LRRC1: variants seen among roughly 807,000 people sequenced by gnomAD.
The protein encoded by LRRC1 is leucine-rich repeat-containing protein 1.
A neutral mutation model predicts 69.9 loss-of-function variants in LRRC1; 28 were observed. That is an observed-to-expected ratio of 0.40 (90% CI 0.30 to 0.55). The LOEUF is 0.55. LRRC1 is among the 20% of genes least tolerant of loss of function. The pLI, the probability that LRRC1 is intolerant of heterozygous loss-of-function variation, is 0.47. For synonymous variants in LRRC1, 236 were observed against 240.2 expected, an observed-to-expected ratio of 0.98 and a Z score of 0.16; for missense variants, 498 against 609.0, an observed-to-expected ratio of 0.82 and a Z score of 1.92.
chr6:53,810,844 C>G (rs1171037183), intron 1 of LRRC1, among the ~76,000 whole-genome samples: 2 of 152,188 alleles, frequency 1.3e-5, no homozygotes, highest in Non-Finnish European at 2.9e-5. Flanking sequence ...GCTCAGAATG[C>G]TATTCTCCAA....
chr6:53,808,733 G>C (rs545246321), intron 1 of LRRC1, among the ~76,000 whole-genome samples: 1 of 152,074 alleles, frequency 6.6e-6, no homozygotes, highest in Non-Finnish European at 1.5e-5. Flanking sequence ...GGGAGACAGT[G>C]TTGTCTGCAC....
At chr6:53,879,092 T>C in intron 3 of LRRC1, 21 bp downstream of exon 3, 1 of 1,565,842 alleles carries the variant, frequency 6.4e-7, no homozygotes, top group South Asian at 1.1e-5. Context: ...TGCTTACTTT[T>C]CTGTCTATAC....
intron 1 of LRRC1, among the ~76,000 whole-genome samples, chr6:53,804,912 G>A (rs923804030): frequency 3.9e-5 from 6 of 152,170 alleles, no homozygotes; most frequent in African/African-American, 1.4e-4. Context: ...GTCTAGAGAG[G>A]TAAAGTGATG....
intron 7 of LRRC1, among the ~76,000 whole-genome samples, chr6:53,899,070 G>A (rs199661123): frequency 6.6e-6 from 1 of 152,188 alleles, no homozygotes; most frequent in Non-Finnish European, 1.5e-5. Flanking sequence ...TTAATATTGG[G>A]AAGTGGAATG....
intron 4 of LRRC1, among the ~76,000 whole-genome samples, chr6:53,888,976 T>TA (rs1334250062): frequency 3.3e-5 from 5 of 152,154 alleles, no homozygotes; most frequent in African/African-American, 1.2e-4. Context: ...AGAGTCTAGT[T>TA]ACCAGAATAT....
intron 10 of LRRC1, among the ~76,000 whole-genome samples, chr6:53,905,934 T>C (rs530949635): frequency 6.6e-6 from 1 of 152,356 alleles, no homozygotes; most frequent in African/African-American, 2.4e-5. Context: ...TTCTAGTTTC[T>C]AAGCAATAAA....
At chr6:53,795,813 G>T (rs62397070) in intron 1 of LRRC1, among the ~76,000 whole-genome samples, 7,209 of 152,254 alleles carry the variant, frequency 0.047, 269 homozygotes, top group Non-Finnish European at 0.064. Context: ...CCCCGGGGTC[G>T]TTCCCCCACC....
At chr6:53,896,734 G>T in intron 5 of LRRC1, 95 bp from the exon 6 acceptor site, 3 of 995,702 alleles carry the variant, frequency 3.0e-6, no homozygotes, top group Non-Finnish European at 4.6e-6. Flanking sequence ...AATAAAAATG[G>T]ACCTTATTTT....
chr6:53,852,939 T>C (rs1766185465), intron 2 of LRRC1, among the ~76,000 whole-genome samples: 1 of 152,174 alleles, frequency 6.6e-6, no homozygotes, highest in East Asian at 1.9e-4. Context: ...TTGCTCACAG[T>C]TCTGGAGGCT....
At chr6:53,908,690 A>G (rs1049448845) in intron 10 of LRRC1, among the ~76,000 whole-genome samples, 2 of 152,154 alleles carry the variant, frequency 1.3e-5, no homozygotes, top group Non-Finnish European at 2.9e-5. Context: ...AGCAGCCTTT[A>G]CTTTCTTGAA....
intron 7 of LRRC1, among the ~76,000 whole-genome samples, 173 bp from the exon 8 acceptor site, chr6:53,899,574 C>G (rs1767980485): frequency 6.6e-6 from 1 of 152,162 alleles, no homozygotes; most frequent in Non-Finnish European, 1.5e-5. Flanking sequence ...CAACTTCCCA[C>G]TTTCATTGGA....
At chr6:53,900,022 T>G (rs1339185830) in intron 8 of LRRC1, 131 bp downstream of exon 8, 1 of 20,946 alleles carries the variant, frequency 4.8e-5, no homozygotes, top group Non-Finnish European at 7.1e-5. Context: ...TCCTTACTGT[T>G]TTTTTTTTTT....
In LRRC1 at chr6:53,920,593, A is replaced by G. The variant is rs756176353; in HGVS notation, c.1280-32A>G. The stretch of plus-strand genomic sequence containing the variant: ...GCATTTACTGATCACATGAAACGCA[A>G]TTCCCTGCTTATGTGGTCTTTGTCA... On this transcript the variant is annotated intron_variant, in intron 12 of 13. Transcript: ENST00000370888. 1.5e-5 allele frequency: 25 copies of G among 1,614,022 alleles called. No homozygotes were observed. In the South Asian group the frequency reaches 2.4e-4, roughly 16 times the overall value.
Position 53,923,369 on chromosome 6 carries a change from T to C in LRRC1, c.*576T>C, listed in dbSNP as rs1415755546. ...AAACAAGTCCTAAAGTATTTGTTTT[T>C]ATTTGTACCATCCACTTGTGCCTTA... On this transcript the variant is annotated 3_prime_UTR_variant, in exon 14 of 14. Transcript: ENST00000370888. The C allele has an allele frequency of 1.3e-5, 2 of 152,746 alleles. No individual in the cohort carries two copies. The highest frequency in any genetic ancestry group is 4.8e-5 in the African/African-American group (2 of 41,480). The allele number at this position is 152,746 out of a possible 1,614,324, so 9.5% of individuals were successfully genotyped here.
intron 1 of LRRC1, among the ~76,000 whole-genome samples, chr6:53,797,724 C>T (rs1764343682): frequency 6.6e-6 from 1 of 152,190 alleles, no homozygotes. Flanking sequence ...CTCCAGGTTT[C>T]AGTGTAATAA....
chr6:53,839,177 A>G (rs1174954050), intron 1 of LRRC1, among the ~76,000 whole-genome samples: 1 of 152,052 alleles, frequency 6.6e-6, no homozygotes, highest in African/African-American at 2.4e-5. Context: ...AATAGTGCAA[A>G]GATGTATTTG....
chr6:53,911,058 A>T (rs910754355), intron 10 of LRRC1, among the ~76,000 whole-genome samples: 1 of 152,352 alleles, frequency 6.6e-6, no homozygotes, highest in East Asian at 1.9e-4. Context: ...TTCATAAACC[A>T]TAGACAATAG....
At chr6:53,885,617 A>G (rs1040910223) in intron 4 of LRRC1, among the ~76,000 whole-genome samples, 2 of 152,190 alleles carry the variant, frequency 1.3e-5, no homozygotes, top group African/African-American at 2.4e-5. Context: ...TGAAGATAGG[A>G]CTTCATTTCT....
intron 2 of LRRC1, among the ~76,000 whole-genome samples, chr6:53,849,647 G>A (rs893904485): frequency 1.7e-4 from 26 of 152,184 alleles, no homozygotes; most frequent in African/African-American, 6.3e-4. Flanking sequence ...CTTGGAAAGG[G>A]ACTTGAGCCA....
Sources: allele counts gnomAD v4.1 joint callset (sites outside exome capture counted in the v4.1 genomes callset), GRCh38; gene constraint gnomAD v4.1.1; transcripts MANE v1.5; gene names NCBI Gene and HGNC (gene_info 2026-07-23, HGNC 2026-07-21).